XPO5: variants seen among roughly 807,000 people sequenced by gnomAD.
XPO5 encodes the protein exportin 5, also known as exportin-5.
Under a neutral mutation model 160.6 loss-of-function variants are expected in XPO5, and 46 were observed. That is an observed-to-expected ratio of 0.29 (90% CI 0.23 to 0.37). The LOEUF (loss-of-function observed/expected upper bound fraction) is 0.37. Ranked by LOEUF, XPO5 falls within the 10% of genes least tolerant of loss-of-function variation. The pLI is 1.00. For synonymous variants in XPO5, 537 were observed against 519.3 expected (o/e 1.03, Z -0.46); for missense variants, 1,090 against 1,463.9 (o/e 0.74, Z 4.17).
At chr6:43,530,901 A>T (rs1296521070) in intron 22 of XPO5, 77 bp from the exon 23 acceptor site, 1 of 1,498,498 alleles carries the variant, frequency 6.7e-7, no homozygotes, top group African/African-American at 1.4e-5. Context: ...CATGAATTTC[A>T]TTTCTAGCCT....
intron 20 of XPO5, among the ~76,000 whole-genome samples, chr6:43,536,052 G>A (rs1306296937): frequency 1.3e-5 from 2 of 151,326 alleles, no homozygotes; most frequent in African/African-American, 4.9e-5. Flanking sequence ...GAATCCAGGT[G>A]AGCCAAGATC....
intron 1 of XPO5, 66 bp downstream of exon 1, chr6:43,575,694 G>A: frequency 6.9e-7 from 1 of 1,442,360 alleles, no homozygotes; most frequent in Non-Finnish European, 9.6e-7. Flanking sequence ...GTTACAGGCG[G>A]CGCCGGAGCT....
At chr6:43,561,098 C>T (rs1378820812) in intron 9 of XPO5, 91 bp from the exon 10 acceptor site, 8 of 1,095,726 alleles carry the variant, frequency 7.3e-6, no homozygotes, top group Non-Finnish European at 9.6e-6. Context: ...TAAATTAAAC[C>T]CTCAAAAAAT....
intron 24 of XPO5, 33 bp downstream of exon 24, chr6:43,528,795 C>A: frequency 6.3e-7 from 1 of 1,598,572 alleles, no homozygotes; most frequent in Non-Finnish European, 8.6e-7. Flanking sequence ...CTTAATAGTA[C>A]TCTTTGCTTC....
intron 2 of XPO5, 57 bp from the exon 3 acceptor site, chr6:43,572,635 A>G: frequency 1.3e-6 from 2 of 1,508,232 alleles, no homozygotes; most frequent in Non-Finnish European, 1.8e-6. Context: ...TGTCTTTACA[A>G]GAGAATAGCA....
At chr6:43,553,545 ACAC>A in intron 13 of XPO5, 42 bp from the exon 14 acceptor site, 5 of 1,534,868 alleles carry the variant, frequency 3.3e-6, no homozygotes, top group Admixed American at 2.0e-5. Flanking sequence ...ACACACACAC[ACAC>A]AATTATCAGC....
At chr6:43,539,047 G>C in intron 20 of XPO5, 2 of 1,541,090 alleles carry the variant, frequency 1.3e-6, no homozygotes, top group Non-Finnish European at 1.8e-6. Flanking sequence ...AGCAGTCATC[G>C]ATACCAGCCA....
At chr6:43,552,066 T>C (rs564415128) in intron 14 of XPO5, among the ~76,000 whole-genome samples, 1 of 152,340 alleles carries the variant, frequency 6.6e-6, no homozygotes, top group East Asian at 1.9e-4. Flanking sequence ...ATGTTTTTCA[T>C]ATTTATCAGC....
At chr6:43,544,248 G>A (rs1582218292) in intron 20 of XPO5, 1 of 166,100 alleles carries the variant, frequency 6.0e-6, no homozygotes, top group East Asian at 1.5e-4. Context: ...ATAAATTCAA[G>A]ACCTACTTAT....
intron 7 of XPO5, chr6:43,566,685 C>T (rs994045835): frequency 5.0e-6 from 2 of 397,028 alleles, no homozygotes; most frequent in African/African-American, 2.1e-5. Context: ...TGGCGTGTGC[C>T]TATAGTCCTA....
intron 2 of XPO5, 38 bp downstream of exon 2, chr6:43,573,442 C>T: frequency 3.1e-6 from 5 of 1,609,998 alleles, no homozygotes; most frequent in Non-Finnish European, 4.2e-6. Flanking sequence ...AAGATCTGTT[C>T]TCTCAGACTT....
chr6:43,542,455 G>A (rs936584908), intron 20 of XPO5, among the ~76,000 whole-genome samples: 1 of 151,948 alleles, frequency 6.6e-6, no homozygotes, highest in East Asian at 1.9e-4. Context: ...TGTTGCCCAG[G>A]CTGGAGTACG....
In XPO5 at chr6:43,570,003, CTTTTTTTTTTTT is replaced by C. The variant is rs35322286; in HGVS notation, c.621+487_621+498del. 8.8e-3 allele frequency among the ~76,000 whole-genome samples: 750 copies of C among 85,390 alleles called. 12 individuals are homozygous for C. Among genetic ancestry groups the C allele is most frequent in the African/African-American group, 0.033 (696 of 21,168 alleles). The allele number at this position is 85,390 out of a possible 152,430, so 56.0% of individuals were successfully genotyped here. On this transcript the variant is annotated intron_variant, in intron 5 of 31. Transcript: ENST00000265351. ...GGCTGCAGTAAGCCGAGATCCCTAT[CTTTTTTTTTTTT>C]TTTTTTTTTTTTTTTAAAAAAGGCC...
chr6:43,525,625 TG>T (rs1793536293), intron 28 of XPO5: 1 of 573,714 alleles, frequency 1.7e-6, no homozygotes, highest in Non-Finnish European at 3.1e-6. Flanking sequence ...GTGCCTACTA[TG>T]TGTTTTCCTG....
At chr6:43,553,267 A>C (rs1795338040) in intron 14 of XPO5, 106 bp downstream of exon 14, 4 of 1,389,480 alleles carry the variant, frequency 2.9e-6, no homozygotes, top group African/African-American at 2.9e-5. Flanking sequence ...GTGCCACTGC[A>C]TTTCAGCCTG....
chr6:43,537,480 C>T (rs1025477208), intron 20 of XPO5, among the ~76,000 whole-genome samples: 7 of 152,204 alleles, frequency 4.6e-5, no homozygotes, highest in African/African-American at 1.4e-4. Context: ...AATATGGTGT[C>T]TGTCCTCGAC....
chr6:43,551,553 C>CTTTAAA, intron 14 of XPO5, 100 bp from the exon 15 acceptor site: 3 of 1,438,672 alleles, frequency 2.1e-6, no homozygotes, highest in Non-Finnish European at 2.9e-6. Flanking sequence ...GACAGGGTCT[C>CTTTAAA]ATTCTGTCAC....
chr6:43,538,046 G>A (rs1582209848), intron 20 of XPO5, among the ~76,000 whole-genome samples: 1 of 128,098 alleles, frequency 7.8e-6, no homozygotes, highest in Middle Eastern at 5.6e-3. Flanking sequence ...GATAGCACCA[G>A]TGCACTCCAG....
At chr6:43,526,895 C>T (rs1308721211) in intron 26 of XPO5, 148 bp from the exon 27 acceptor site, 9 of 752,334 alleles carry the variant, frequency 1.2e-5, no homozygotes, top group Non-Finnish European at 1.8e-5. Flanking sequence ...ATTAGCTTCA[C>T]CAATAGAAAT....
Sources: gnomAD v4.1 joint callset for allele counts (sites outside exome capture counted in the v4.1 genomes callset) on GRCh38, gnomAD v4.1.1 for gene constraint, MANE v1.5 for transcripts, NCBI Gene and HGNC (gene_info 2026-07-23, HGNC 2026-07-21) for gene names.